The following PCDH15 variants were observed in gnomAD, a reference collection of about 807,000 sequenced individuals.
PCDH15 encodes the protein protocadherin-15.
In PCDH15, 129 loss-of-function variants were observed where a neutral mutation model predicts 178.5. The observed-to-expected ratio is 0.72, with a 90% CI of 0.63 to 0.84. The LOEUF (loss-of-function observed/expected upper bound fraction) is 0.84, where lower values mean the gene tolerates loss of function less well. Among genes scored for constraint, PCDH15 ranks in the 40% least tolerant of loss-of-function variants. PCDH15 has a pLI of 0.00. For missense variants in PCDH15, 2,230 were observed against 2,099.9 expected (o/e 1.06, Z -1.21); for synonymous variants, 800 against 732.0 (o/e 1.09, Z -1.50).
intron 26 of PCDH15, among the ~76,000 whole-genome samples, chr10:53,878,214 GAATATATATATA>G (rs1564665073): frequency 4.4e-5 from 1 of 22,646 alleles, no homozygotes; most frequent in South Asian, 1.8e-3. Context: ...CACACACTTT[GAATATATATATA>G]TATATATATA....
intron 2 of PCDH15, among the ~76,000 whole-genome samples, chr10:54,630,788 G>T (rs2093681049): frequency 6.6e-6 from 1 of 152,018 alleles, no homozygotes; most frequent in African/African-American, 2.4e-5. Flanking sequence ...GAGCCTCTAA[G>T]GAACTTAAAC....
intron 28 of PCDH15, among the ~76,000 whole-genome samples, chr10:53,841,617 T>A (rs2077651074): frequency 6.6e-6 from 1 of 152,204 alleles, no homozygotes; most frequent in South Asian, 2.1e-4. Context: ...AAATGTTTGC[T>A]TGCTTGTTTT....
chr10:54,088,759 A>G (rs945210892), intron 16 of PCDH15, among the ~76,000 whole-genome samples: 14 of 152,262 alleles, frequency 9.2e-5, no homozygotes, highest in Admixed American at 5.2e-4. Flanking sequence ...ATTCTCTTGC[A>G]TATTGTCCCA....
At chr10:55,364,719 T>G (rs1845311661) in intron 2 of PCDH15, among the ~76,000 whole-genome samples, 1 of 152,108 alleles carries the variant, frequency 6.6e-6, no homozygotes, top group African/African-American at 2.4e-5. Flanking sequence ...TTAGACCTTT[T>G]GATATTGTCC....
intron 2 of PCDH15, among the ~76,000 whole-genome samples, chr10:55,084,462 T>TAAAA (rs71461276): frequency 6.9e-6 from 1 of 145,568 alleles, no homozygotes; most frequent in South Asian, 2.1e-4. Context: ...CCTCAAGCTG[T>TAAAA]AAAAAAAAAA....
intron 9 of PCDH15, among the ~76,000 whole-genome samples, chr10:54,236,315 T>A (rs1204543303): frequency 6.6e-6 from 1 of 152,138 alleles, no homozygotes; most frequent in Non-Finnish European, 1.5e-5. Flanking sequence ...TGTGGAATTT[T>A]TCAAGAAAAA....
At chr10:53,888,170 GGTTT>G (rs1203784513) in intron 26 of PCDH15, among the ~76,000 whole-genome samples, 5 of 150,118 alleles carry the variant, frequency 3.3e-5, no homozygotes, top group Non-Finnish European at 7.4e-5. Flanking sequence ...AGATTTTGCT[GGTTT>G]GTTTAAACAC....
At chr10:54,385,065 C>T (rs375235274) in intron 3 of PCDH15, among the ~76,000 whole-genome samples, 1 of 152,098 alleles carries the variant, frequency 6.6e-6, no homozygotes. Context: ...GTGTATATTC[C>T]AGGCAGAGAG....
At chr10:54,651,009 T>A (rs758622461) in intron 2 of PCDH15, among the ~76,000 whole-genome samples, 6 of 151,912 alleles carry the variant, frequency 3.9e-5, no homozygotes, top group Non-Finnish European at 8.8e-5. Flanking sequence ...ATACAATCAG[T>A]GGCAAAAAAG....
At chr10:55,382,067 G>C (rs1005940990) in intron 2 of PCDH15, among the ~76,000 whole-genome samples, 5 of 152,116 alleles carry the variant, frequency 3.3e-5, no homozygotes, top group African/African-American at 1.2e-4. Flanking sequence ...AGATATGAAA[G>C]CTAAATAATT....
At chr10:54,837,087 A>G (rs1042214065) in intron 3 of PCDH15, among the ~76,000 whole-genome samples, 22 of 152,152 alleles carry the variant, frequency 1.4e-4, no homozygotes, top group Non-Finnish European at 2.9e-4. Flanking sequence ...AAAATATTGA[A>G]TAACAAGTAT....
chr10:55,019,616 G>C (rs1011457978), intron 2 of PCDH15, among the ~76,000 whole-genome samples: 4 of 152,080 alleles, frequency 2.6e-5, no homozygotes, highest in Non-Finnish European at 4.4e-5. Flanking sequence ...TGTGACTCCT[G>C]CTGTACTAAG....
rs576003384 is a variant in PCDH15 at position 54,537,098 on chromosome 10, A to C, written c.92-9221T>G. ...ACTGCAAGCTCCGCCTCCCAGGTTCACGCCAGTCTTCTGCCTCAGCCTCCC... is the reference window on the plus strand; with the variant it reads ...ACTGCAAGCTCCGCCTCCCAGGTTCCCGCCAGTCTTCTGCCTCAGCCTCCC... On this transcript the variant is annotated intron_variant, in intron 2 of 37. Coordinates refer to ENST00000644397, the MANE Select transcript of PCDH15 (RefSeq NM_001384140.1). Among the ~76,000 whole-genome samples the C allele has an allele frequency of 1.6e-4, 22 of 141,276 alleles. No individual in the cohort carries two copies. The South Asian group carries it at 4.7e-3, about 30-fold the overall frequency. The allele number at this position is 141,276 out of a possible 152,430, so 92.7% of individuals were successfully genotyped here.
At chr10:55,526,250 C>T (rs1184344360) in intron 2 of PCDH15, among the ~76,000 whole-genome samples, 2 of 151,724 alleles carry the variant, frequency 1.3e-5, no homozygotes, top group Admixed American at 6.6e-5. Flanking sequence ...CTATTTTTTT[C>T]ATTTCATATA....
chr10:55,106,176 T>A (rs754786351), intron 2 of PCDH15, among the ~76,000 whole-genome samples: 1 of 152,162 alleles, frequency 6.6e-6, no homozygotes, highest in Non-Finnish European at 1.5e-5. Flanking sequence ...CAGGAATTTA[T>A]CAGGCTGGTT....
intron 26 of PCDH15, among the ~76,000 whole-genome samples, chr10:53,875,795 A>T (rs915442909): frequency 6.6e-6 from 1 of 152,194 alleles, no homozygotes; most frequent in Non-Finnish European, 1.5e-5. Context: ...AAAGAAAATC[A>T]CCAAATAATT....
At chr10:54,798,488 G>A (rs1005619017) in intron 1 of PCDH15, among the ~76,000 whole-genome samples, 3 of 151,966 alleles carry the variant, frequency 2.0e-5, no homozygotes, top group African/African-American at 7.2e-5. Context: ...TAATTGTATA[G>A]TCTTATTTTG....
At chr10:53,916,602 A>T (rs902618308) in intron 25 of PCDH15, among the ~76,000 whole-genome samples, 1 of 152,232 alleles carries the variant, frequency 6.6e-6, no homozygotes, top group African/African-American at 2.4e-5. Flanking sequence ...AGCAGCTATT[A>T]TGATATTACA....
intron 2 of PCDH15, among the ~76,000 whole-genome samples, chr10:54,562,712 CTT>C (rs1024187655): frequency 1.8e-4 from 28 of 152,046 alleles, no homozygotes; most frequent in African/African-American, 5.8e-4. Flanking sequence ...GTCTCTCTCT[CTT>C]GATATACAGA....
Sources: allele counts gnomAD v4.1 joint callset (sites outside exome capture counted in the v4.1 genomes callset), GRCh38; gene constraint gnomAD v4.1.1; transcripts MANE v1.5; gene names NCBI Gene and HGNC (gene_info 2026-07-23, HGNC 2026-07-21).